ATP11C: variants seen among roughly 807,000 people sequenced by gnomAD.
ATP11C encodes ATPase phospholipid transporting 11C (ATP11C blood group), also known as phospholipid-transporting ATPase IG.
In ATP11C, 36 loss-of-function variants were observed where a neutral mutation model predicts 97.4. The ratio of observed to expected loss-of-function variants is 0.37; its 90% CI spans 0.28 to 0.49. The LOEUF is 0.49. ATP11C is among the 20% of genes least tolerant of loss of function. The pLI is 0.98. For missense variants in ATP11C, 730 were observed against 824.6 expected (o/e 0.89, Z 1.40); for synonymous variants, 275 against 290.9 (o/e 0.95, Z 0.56).
chrX:139,745,453 C>T (rs995173029), intron 25 of ATP11C, among the ~76,000 whole-genome samples: 4 of 111,839 alleles, frequency 3.6e-5, no homozygotes, highest in Non-Finnish European at 7.5e-5. Flanking sequence ...TCTGAAGTCC[C>T]AAGAACTCTG....
intron 4 of ATP11C, 64 bp downstream of exon 4, chrX:139,816,799 T>C: frequency 9.2e-6 from 7 of 758,771 alleles, no homozygotes; most frequent in Non-Finnish European, 7.9e-6. Flanking sequence ...AAAAGAGCCT[T>C]TGACAATGAA....
chrX:139,749,966 T>A (rs1258267726), intron 24 of ATP11C, 59 bp downstream of exon 24: 3 of 1,085,582 alleles, frequency 2.8e-6, no homozygotes, highest in African/African-American at 1.8e-5. Context: ...CATCTGCAGA[T>A]AAAATGAAAA....
intron 1 of ATP11C, among the ~76,000 whole-genome samples, chrX:139,904,541 T>C (rs1436252178): frequency 3.6e-5 from 4 of 111,199 alleles, no homozygotes; most frequent in Non-Finnish European, 5.6e-5. Flanking sequence ...AAAAATAATA[T>C]GCTTTTTTAT....
At chrX:139,868,214 A>G (rs893208369) in intron 1 of ATP11C, among the ~76,000 whole-genome samples, 1 of 111,633 alleles carries the variant, frequency 9.0e-6, no homozygotes, top group Admixed American at 9.6e-5. Flanking sequence ...AAACATAAAA[A>G]TAAATCACTG....
Position 139,750,102 on chromosome X carries a change from G to A in ATP11C, c.2751C>T (p.Ser917=). 8.3e-7 allele frequency: 1 copy of A among 1,204,736 alleles called. No individual in the cohort carries two copies. The highest frequency in any genetic ancestry group is 1.1e-6 in the Non-Finnish European group (1 of 890,174). Residue 917 remains serine, a synonymous_variant, in exon 24 of 30, where the codon TCC becomes TCT. Transcript: ENST00000682941. ...GTAGACTATAGGCCAGGATGGGCAA[G>A]GATGTGAAGCAGATATTGTACATTG... is the stretch of plus-strand genomic sequence containing the variant. ...YLTMYNICFT[S]LPILAYSLLE...
chrX:139,766,884 T>C (rs890606462), intron 20 of ATP11C, among the ~76,000 whole-genome samples: 26 of 111,323 alleles, frequency 2.3e-4, no homozygotes, highest in Non-Finnish European at 4.5e-4. Flanking sequence ...GGTTTCATTA[T>C]GAGTAAAATT....
At chrX:139,757,780 A>C in intron 23 of ATP11C, 28 bp downstream of exon 23, 1 of 1,080,179 alleles carries the variant, frequency 9.3e-7, no homozygotes, top group Non-Finnish European at 1.3e-6. Context: ...TGTAAACTAT[A>C]TTATAACGAA....
At position 139,816,845 on chromosome X, in the gene ATP11C, T is replaced by A. The variant is rs753172674; in HGVS notation, c.318+18A>T. ...GCCTGGACTGAAATGCAGGTGCAAG[T>A]GTAAATAAGAAATTTACCTGCTTGA... On this transcript the variant is annotated intron_variant, in intron 4 of 29. Coordinates refer to ENST00000682941, the MANE Select transcript of ATP11C (RefSeq NM_001353812.2). 1.8e-6 allele frequency: 2 copies of A among 1,129,410 alleles called. No individual in the cohort carries two copies. Among genetic ancestry groups the A allele is most frequent in the Admixed American group, 2.3e-5 (1 of 44,311 alleles). 93.1% of individuals were successfully genotyped at this position (1,129,410 alleles called of 1,213,427 possible).
chrX:139,746,201 T>C (rs1308116603), intron 24 of ATP11C, among the ~76,000 whole-genome samples: 2 of 111,793 alleles, frequency 1.8e-5, no homozygotes, highest in Non-Finnish European at 3.8e-5. Flanking sequence ...AAACATGAGA[T>C]AGGTATTACT....
At chrX:139,858,996 T>C (rs775338341) in intron 1 of ATP11C, among the ~76,000 whole-genome samples, 2 of 112,804 alleles carry the variant, frequency 1.8e-5, no homozygotes, top group Admixed American at 9.4e-5. Context: ...TACTTTACTT[T>C]GATTTTAGAA....
chrX:139,870,794 C>T (rs920428600), intron 1 of ATP11C, among the ~76,000 whole-genome samples: 8 of 112,111 alleles, frequency 7.1e-5, no homozygotes, highest in Admixed American at 3.8e-4. Flanking sequence ...CGGTGGCTCA[C>T]GCCTGTAATC....
intron 1 of ATP11C, among the ~76,000 whole-genome samples, chrX:139,919,987 G>A (rs969334301): frequency 1.8e-5 from 2 of 111,566 alleles, no homozygotes; most frequent in African/African-American, 3.3e-5. Context: ...CAAAAAGTGC[G>A]AACAACCCAA....
At chrX:139,895,782 T>C (rs1410985534) in intron 1 of ATP11C, among the ~76,000 whole-genome samples, 1 of 111,688 alleles carries the variant, frequency 9.0e-6, no homozygotes. Flanking sequence ...TTTTTTCTAG[T>C]GATAAATCAA....
At chrX:139,900,081 C>T (rs1388171526) in intron 1 of ATP11C, among the ~76,000 whole-genome samples, 2 of 111,757 alleles carry the variant, frequency 1.8e-5, no homozygotes, top group African/African-American at 6.5e-5. Flanking sequence ...TCAAAAATTG[C>T]TAATGCTGGC....
rs4825084 is a variant in ATP11C, at chrX:139,786,093, A to G, written c.1593-794T>C. 7.6e-4 allele frequency among the ~76,000 whole-genome samples: 85 copies of G among 111,558 alleles called. 1 individual carries two copies. In the South Asian group the frequency reaches 7.7e-3, roughly 10 times the overall value. On this transcript the variant is annotated intron_variant, in intron 15 of 29. Transcript: ENST00000682941. ...CTGGAATTTGGGATTGTATTGTAAGAGCAAAAGAAAGCCAATAAAAGGGTT... is the reference window on the plus strand; with the variant it reads ...CTGGAATTTGGGATTGTATTGTAAGGGCAAAAGAAAGCCAATAAAAGGGTT...
At chrX:139,865,766 AAAATAAAT>A (rs904747083) in intron 1 of ATP11C, among the ~76,000 whole-genome samples, 12 of 111,217 alleles carry the variant, frequency 1.1e-4, no homozygotes, top group Admixed American at 2.9e-4. Context: ...GTCCCCAAAA[AAAATAAAT>A]AAATAAATAA....
intron 19 of ATP11C, among the ~76,000 whole-genome samples, chrX:139,772,821 G>C (rs1305703426): frequency 9.0e-6 from 1 of 111,648 alleles, no homozygotes; most frequent in Non-Finnish European, 1.9e-5. Flanking sequence ...TTTTATACAG[G>C]CTCATAGGCA....
intron 1 of ATP11C, among the ~76,000 whole-genome samples, chrX:139,829,075 A>G (rs191090751): frequency 1.8e-5 from 2 of 111,956 alleles, no homozygotes; most frequent in Non-Finnish European, 3.8e-5. Context: ...TGAAATTACT[A>G]TGCAGGTTTG....
At chrX:139,771,506 G>A (rs1397308031) in intron 19 of ATP11C, among the ~76,000 whole-genome samples, 2 of 111,642 alleles carry the variant, frequency 1.8e-5, no homozygotes, top group African/African-American at 6.5e-5. Flanking sequence ...ACAGTTTGGA[G>A]GGCTCACAGG....
Sources: gnomAD v4.1 joint callset for allele counts (sites outside exome capture counted in the v4.1 genomes callset) on GRCh38, gnomAD v4.1.1 for gene constraint, MANE v1.5 for transcripts, NCBI Gene and HGNC (gene_info 2026-07-23, HGNC 2026-07-21) for gene names.